Variants in SEL1L3 observed in about 807,000 individuals in gnomAD.
SEL1L3 encodes the protein SEL1L family member 3.
A neutral mutation model predicts 142.8 loss-of-function variants in SEL1L3; 76 were observed. The observed-to-expected ratio is 0.53, with a 90% CI of 0.44 to 0.64. The LOEUF (loss-of-function observed/expected upper bound fraction) is 0.64. Among genes scored for constraint, SEL1L3 ranks in the 30% least tolerant of loss-of-function variants. SEL1L3 has a pLI of 0.00. For synonymous variants in SEL1L3, 504 were observed against 519.6 expected (o/e 0.97, Z 0.41); for missense variants, 1,262 against 1,381.7 (o/e 0.91, Z 1.37).
chr4:25,828,766 G>T (rs1049783316), intron 6 of SEL1L3, among the ~76,000 whole-genome samples: 1 of 151,880 alleles, frequency 6.6e-6, no homozygotes, highest in African/African-American at 2.4e-5. Context: ...CTTCCCTTTC[G>T]TTAATAATCA....
intron 6 of SEL1L3, among the ~76,000 whole-genome samples, chr4:25,828,993 A>C (rs2109275548): frequency 6.6e-6 from 1 of 152,288 alleles, no homozygotes; most frequent in Middle Eastern, 3.4e-3. Flanking sequence ...TTTTATTTTA[A>C]GACAGAGCCT....
rs1285836474 is a variant in SEL1L3, at chr4:25,788,397, T to C, written c.2077-33A>G. The C allele has an allele frequency of 1.2e-6, 2 of 1,610,830 alleles. No individual in the cohort carries two copies. Among genetic ancestry groups the C allele is most frequent in the African/African-American group, 2.7e-5 (2 of 74,866 alleles). ...ATAATAGCAATTTAGAACAATGACT[T>C]TTCCTGTATAATGCTTAACACAAGA... On this transcript the variant is annotated intron_variant, in intron 12 of 23. Transcript: ENST00000399878. This position sits in a 1 kb window ranked among gnomAD's most constrained non-coding sequence, Gnocchi z 5.3.
Position 25,818,126 on chromosome 4 carries a change from A to G in SEL1L3, c.1564+12T>C, listed in dbSNP as rs552965347. 54 of 1,609,916 alleles carry G rather than the reference A, an allele frequency of 3.4e-5. No homozygotes were observed. In the South Asian group the frequency reaches 3.4e-4, roughly 10 times the overall value. On this transcript the variant is annotated intron_variant, in intron 9 of 23. Coordinates refer to ENST00000399878, the MANE Select transcript of SEL1L3 (RefSeq NM_015187.5). ...TAACCAGCGCCTAAAGCCGAGGCAA[A>G]GACTCAATTACCGGTCAGCAGATCC...
the SEL1L3 span, among the ~76,000 whole-genome samples, chr4:25,736,213 T>TGTGTGTGTGTG: frequency 7.7e-6 from 1 of 130,592 alleles, no homozygotes; most frequent in Non-Finnish European, 1.6e-5. Context: ...TGCCATAAGA[T>TGTGTGTGTGTG]TGTGTGTCTG....
intron 17 of SEL1L3, among the ~76,000 whole-genome samples, chr4:25,772,238 T>G (rs1719276067): frequency 1.3e-5 from 2 of 152,228 alleles, no homozygotes; most frequent in South Asian, 4.1e-4. Flanking sequence ...TTGAAAAAGA[T>G]TTCCTCATTG....
At chr4:25,851,640 C>T (rs1436193749) in intron 1 of SEL1L3, among the ~76,000 whole-genome samples, 1 of 151,890 alleles carries the variant, frequency 6.6e-6, no homozygotes, top group Non-Finnish European at 1.5e-5. Flanking sequence ...CCTGTAATCC[C>T]AGCACTTTGG....
At chr4:25,746,531 A>AATATATATAT (rs376998677), downstream of SEL1L3, among the ~76,000 whole-genome samples, 1 of 119,684 alleles carries the variant, frequency 8.4e-6, no homozygotes, top group Non-Finnish European at 1.6e-5. Flanking sequence ...TATATATTTA[A>AATATATATAT]ATATATATAT....
intron 23 of SEL1L3, among the ~76,000 whole-genome samples, chr4:25,752,503 T>C (rs1331894773): frequency 6.6e-6 from 1 of 152,138 alleles, no homozygotes; most frequent in Admixed American, 6.5e-5. Flanking sequence ...TCATTATGTC[T>C]GTTTCTGAGG....
chr4:25,727,876 G>A, the SEL1L3 span, among the ~76,000 whole-genome samples: 7 of 152,134 alleles, frequency 4.6e-5, no homozygotes, highest in African/African-American at 9.7e-5. Context: ...AACAGGCTGT[G>A]CCCACGCATC....
In SEL1L3 at chr4:25,757,758, C is replaced by T; in HGVS notation, c.3116G>A (p.Ser1039Asn). ...GTAAAGCCAGGCCAAGGAGCAGGGGCTGAAGGACTCCTCGTTACTGTGGCT... is the reference window on the plus strand; with the variant it reads ...GTAAAGCCAGGCCAAGGAGCAGGGGTTGAAGGACTCCTCGTTACTGTGGCT... ...CWSHSNEESF[S>N]PCSLAWLYLH... Residue 1039 changes from serine (S) to asparagine (N), a missense_variant, in exon 22 of 24, where the codon AGC (serine) becomes AAC (asparagine). Ser to Asn is a conservative substitution (Grantham distance 46). Transcript: ENST00000399878. 6.3e-7 allele frequency: 1 copy of T among 1,592,978 alleles called. No individual in the cohort carries two copies. Among genetic ancestry groups the T allele is most frequent in the Non-Finnish European group, 8.5e-7 (1 of 1,170,098 alleles).
intron 13 of SEL1L3, among the ~76,000 whole-genome samples, chr4:25,786,582 T>A (rs1035596380): frequency 6.6e-6 from 1 of 152,182 alleles, no homozygotes; most frequent in Non-Finnish European, 1.5e-5. Flanking sequence ...TCCACTCTGG[T>A]GGACAGGTGC....
rs760680925 is a variant in SEL1L3 at position 25,847,870 on chromosome 4, A to C, written c.163-6T>G. On this transcript the variant is annotated splice_region_variant and splice_polypyrimidine_tract_variant and intron_variant, in intron 1 of 23. Transcript: ENST00000399878. ...CCCAAAGATGGTACAACATTCTGAA[A>C]AAAAGAAAAAGAAAGTAAGAAATAC... The C allele has an allele frequency of 1.3e-6, 2 of 1,489,450 alleles. No homozygotes were observed. Among genetic ancestry groups the C allele is most frequent in the Non-Finnish European group, 1.8e-6 (2 of 1,110,864 alleles). 92.3% of individuals were successfully genotyped at this position (1,489,450 alleles called of 1,614,324 possible). A position where few individuals can be genotyped will look rare whatever the true frequency, so the allele number is the denominator to read the frequency against.
chr4:25,763,888 A>T (rs771775291), intron 20 of SEL1L3, among the ~76,000 whole-genome samples: 3 of 152,176 alleles, frequency 2.0e-5, no homozygotes, highest in Non-Finnish European at 4.4e-5. Context: ...AAAGATTGAT[A>T]CAGGGATAAG....
intron 1 of SEL1L3, among the ~76,000 whole-genome samples, chr4:25,848,133 G>A (rs1181933340): frequency 2.0e-5 from 3 of 152,180 alleles, no homozygotes; most frequent in African/African-American, 7.2e-5. Flanking sequence ...CATCTACATG[G>A]CAATAATTCC....
At chr4:25,764,047 G>A (rs536519688) in intron 20 of SEL1L3, among the ~76,000 whole-genome samples, 20 of 152,322 alleles carry the variant, frequency 1.3e-4, no homozygotes, top group Admixed American at 1.2e-3. Context: ...GAAGGAATAA[G>A]GGAAATTGAG....
chr4:25,863,507 C>G (rs1161112756), upstream of SEL1L3: 2 of 702,696 alleles, frequency 2.8e-6, no homozygotes, highest in Non-Finnish European at 5.2e-6. Flanking sequence ...TTGGCCGGGG[C>G]GCCATTCCCG....
At chr4:25,721,467 GA>G in the SEL1L3 span, among the ~76,000 whole-genome samples, 10 of 151,726 alleles carry the variant, frequency 6.6e-5, no homozygotes, top group Non-Finnish European at 1.0e-4. Flanking sequence ...TAGAAAGATA[GA>G]AAAAAAATAC....
At chr4:25,714,494 C>CTTTCTT in the SEL1L3 span, among the ~76,000 whole-genome samples, 1 of 68,010 alleles carries the variant, frequency 1.5e-5, no homozygotes, top group Admixed American at 1.4e-4. Flanking sequence ...CTTTCTCTTT[C>CTTTCTT]TTTCTTTTTC....
intron 21 of SEL1L3, among the ~76,000 whole-genome samples, chr4:25,758,121 G>C (rs1280823070): frequency 6.6e-6 from 1 of 152,198 alleles, no homozygotes; most frequent in Non-Finnish European, 1.5e-5. Context: ...GGACCCACTA[G>C]AACAGTATTT....
Sources: gnomAD v4.1 joint callset for allele counts (sites outside exome capture counted in the v4.1 genomes callset) on GRCh38, gnomAD v4.1.1 for gene constraint, Gnocchi (gnomAD v3.1) non-coding constraint, MANE v1.5 for transcripts, NCBI Gene and HGNC (gene_info 2026-07-23, HGNC 2026-07-21) for gene names.